The following PTPN3 variants were observed in gnomAD, a reference collection of about 807,000 sequenced individuals.
PTPN3 encodes tyrosine-protein phosphatase non-receptor type 3.
A neutral mutation model predicts 132.7 loss-of-function variants in PTPN3; 96 were observed. The ratio of observed to expected loss-of-function variants is 0.72; its 90% CI spans 0.61 to 0.86. The LOEUF is 0.86. Ranked by LOEUF, PTPN3 falls within the 40% of genes least tolerant of loss-of-function variation. PTPN3 has a pLI of 0.00. For synonymous variants in PTPN3, 398 were observed against 429.0 expected (o/e 0.93, Z 0.89); for missense variants, 1,125 against 1,159.6 (o/e 0.97, Z 0.43).
At chr9:109,399,262 A>T (rs1000067520) in intron 19 of PTPN3, among the ~76,000 whole-genome samples, 1 of 152,200 alleles carries the variant, frequency 6.6e-6, no homozygotes, top group Non-Finnish European at 1.5e-5. Context: ...CCGAGGCTAG[A>T]GCAATCGTCC....
chr9:109,505,609 T>C, the PTPN3 span, among the ~76,000 whole-genome samples: 2 of 152,096 alleles, frequency 1.3e-5, no homozygotes, highest in African/African-American at 4.8e-5. Context: ...CAAAGTTTTA[T>C]TAACTTCTGT....
chr9:109,447,366 A>G (rs1029100150), intron 6 of PTPN3, among the ~76,000 whole-genome samples: 2 of 152,100 alleles, frequency 1.3e-5, no homozygotes, highest in African/African-American at 4.8e-5. Context: ...GCTGCTAAGG[A>G]CAGCCTGGAC....
At chr9:109,379,886 G>T (rs947235373) in intron 25 of PTPN3, among the ~76,000 whole-genome samples, 7 of 152,168 alleles carry the variant, frequency 4.6e-5, no homozygotes, top group African/African-American at 1.7e-4. Context: ...GTGGGAAGGA[G>T]CAAAAGTCCC....
chr9:109,437,091 C>T (rs1454128713), intron 8 of PTPN3, 121 bp from the exon 9 acceptor site: 5 of 1,423,094 alleles, frequency 3.5e-6, no homozygotes, highest in East Asian at 5.0e-5. Context: ...CTTATGTTAT[C>T]AATCTTCAGC....
chr9:109,381,660 G>A lies in PTPN3; in HGVS notation c.2656C>T (p.Gln886Ter). 3 of 1,614,166 alleles carry A rather than the reference G, an allele frequency of 1.9e-6. No homozygotes were observed. The highest frequency in any genetic ancestry group is 2.5e-6 in the Non-Finnish European group (3 of 1,180,000). Residue 886 changes from glutamine to a stop codon, truncating the protein, a stop_gained, in exon 25 of 26, where the codon CAG (glutamine) becomes TAG (stop). Transcript: ENST00000374541. LOFTEE classifies it high-confidence loss of function. ...KMRDQRAMMV[Q>*]TSSQYKFVCE... ...ACTGGATTTCTACTCACTGATGTCT[G>A]CACCATCATGGCGCGCTGGTCTCGC...
Position 109,410,435 on chromosome 9 carries a change from G to A in PTPN3, c.1314-20C>T, listed in dbSNP as rs200530775. On this transcript the variant is annotated intron_variant, in intron 14 of 25. Transcript: ENST00000374541. ...AAACTCCTTCATCATGGGGAAGGAG[G>A]AGATATTAATAACTGGGTTAATATT... The A allele has an allele frequency of 1.0e-3, 1,660 of 1,609,436 alleles. 3 individuals are homozygous for A. Among genetic ancestry groups the A allele is most frequent in the Middle Eastern group, 1.7e-3 (10 of 6,048 alleles).
chr9:109,451,262 C>T (rs918447714), intron 5 of PTPN3: 1 of 985,104 alleles, frequency 1.0e-6, no homozygotes, highest in African/African-American at 1.7e-5. Flanking sequence ...TGGTGGCCCA[C>T]CAGCTCTATA....
intron 1 of PTPN3, among the ~76,000 whole-genome samples, chr9:109,490,726 G>A (rs536715822): frequency 3.3e-5 from 5 of 152,154 alleles, no homozygotes; most frequent in Admixed American, 1.3e-4. Flanking sequence ...GCGACAGAGC[G>A]AGACTCCATC....
intron 20 of PTPN3, 87 bp from the exon 21 acceptor site, chr9:109,391,286 T>G: frequency 7.4e-7 from 1 of 1,360,056 alleles, no homozygotes; most frequent in African/African-American, 1.4e-5. Flanking sequence ...CAGCCCCATC[T>G]GCAGCTCTGC....
intron 4 of PTPN3, among the ~76,000 whole-genome samples, chr9:109,456,329 A>G (rs985607381): frequency 1.3e-5 from 2 of 152,244 alleles, no homozygotes; most frequent in African/African-American, 4.8e-5. Context: ...AGAGGGAACT[A>G]AAGGCAACTA....
intron 1 of PTPN3, among the ~76,000 whole-genome samples, chr9:109,492,313 G>A (rs1418227476): frequency 6.6e-6 from 1 of 152,060 alleles, no homozygotes; most frequent in African/African-American, 2.4e-5. Context: ...TACGCCAGGG[G>A]ACCCTCATCA....
At chr9:109,397,911 G>A (rs903619794) in intron 19 of PTPN3, 4 of 151,998 alleles carry the variant, frequency 2.6e-5, no homozygotes, top group Admixed American at 6.6e-5. Context: ...TACTGATGAT[G>A]TTTTCTTTCC....
At chr9:109,508,910 C>T in the PTPN3 span, among the ~76,000 whole-genome samples, 89,300 of 151,840 alleles carry the variant, frequency 0.59, 26,717 homozygotes, top group East Asian at 0.89. Context: ...GTTAGAAGGT[C>T]TGCAGGTGGG....
At position 109,404,446 on chromosome 9, in the gene PTPN3, A is replaced by G; in HGVS notation, c.1953+2T>C. 1 of 1,431,728 alleles carries G rather than the reference A, an allele frequency of 7.0e-7. No individual in the cohort carries two copies. Among genetic ancestry groups the G allele is most frequent in the Non-Finnish European group, 9.3e-7 (1 of 1,071,828 alleles). 88.7% of individuals were successfully genotyped at this position (1,431,728 alleles called of 1,614,324 possible). On this transcript the variant is annotated splice_donor_variant, in intron 19 of 25. Coordinates refer to ENST00000374541, the MANE Select transcript of PTPN3 (RefSeq NM_002829.4). LOFTEE classifies it high-confidence loss of function. ...TGGGATTCAGCCTCCAGAGGGTCTTACCTCAAACTGGATCAGCACCGTCCC... is the reference window on the plus strand; with the variant it reads ...TGGGATTCAGCCTCCAGAGGGTCTTGCCTCAAACTGGATCAGCACCGTCCC...
the PTPN3 span, among the ~76,000 whole-genome samples, chr9:109,517,489 G>A: frequency 2.9e-4 from 44 of 152,180 alleles, no homozygotes; most frequent in Non-Finnish European, 5.0e-4. Flanking sequence ...CAAAGCGCCT[G>A]TTCAAGGTAG....
intron 11 of PTPN3, among the ~76,000 whole-genome samples, chr9:109,428,389 T>C (rs1169233938): frequency 6.6e-6 from 1 of 152,192 alleles, no homozygotes; most frequent in African/African-American, 2.4e-5. Context: ...ATGCTCTTTC[T>C]TCCCTGATAC....
chr9:109,451,433 T>C, intron 5 of PTPN3: 1 of 926,512 alleles, frequency 1.1e-6, no homozygotes, highest in Non-Finnish European at 1.3e-6. Flanking sequence ...CAGTGAATTT[T>C]AGAAGAGACA....
At chr9:109,525,167 T>G in the PTPN3 span, among the ~76,000 whole-genome samples, 4 of 152,158 alleles carry the variant, frequency 2.6e-5, no homozygotes, top group African/African-American at 9.7e-5. Flanking sequence ...TCCTTCTGCT[T>G]CAGCCTCCTG....
chr9:109,427,071 A>G lies in PTPN3; in HGVS notation c.880T>C (p.Cys294Arg), dbSNP rs1843331496. 1 of 1,614,050 alleles carries G rather than the reference A, an allele frequency of 6.2e-7. No homozygotes were observed. Among genetic ancestry groups the G allele is most frequent in the African/African-American group, 1.3e-5 (1 of 74,936 alleles). ...ACACAGGATTTCCACAAGTTTTTGC[A>G]AGATCGGTAATTCAGCATGTTGAAG... ...VAFNMLNYRS[C>R]KNLWKSCVEH... The change falls in exon 12 of 26, where the codon TGC (cysteine) becomes CGC (arginine). Residue 294 changes from cysteine to arginine, a missense_variant. Physicochemically the swap from Cys to Arg is radical, Grantham distance 180. Transcript: ENST00000374541.
Sources: gnomAD v4.1 joint callset for allele counts (sites outside exome capture counted in the v4.1 genomes callset) on GRCh38, gnomAD v4.1.1 for gene constraint, MANE v1.5 for transcripts, NCBI Gene and HGNC (gene_info 2026-07-23, HGNC 2026-07-21) for gene names.